CTCF: variants seen among roughly 807,000 people sequenced by gnomAD.
CTCF encodes transcriptional repressor CTCF.
A neutral mutation model predicts 72.3 loss-of-function variants in CTCF; 7 were observed. The observed-to-expected ratio is 0.10, with a 90% CI of 0.06 to 0.18. The LOEUF (loss-of-function observed/expected upper bound fraction) is 0.18. Ranked by LOEUF, CTCF falls within the 10% of genes least tolerant of loss-of-function variation. CTCF has a pLI of 1.00. For missense variants in CTCF, 516 were observed against 949.1 expected, an observed-to-expected ratio of 0.54 and a Z score of 6.00; for synonymous variants, 374 against 315.8, an observed-to-expected ratio of 1.18 and a Z score of -1.95.
intron 2 of CTCF, among the ~76,000 whole-genome samples, chr16:67,575,270 G>A (rs1269159164): frequency 1.3e-5 from 2 of 152,008 alleles, no homozygotes; most frequent in African/African-American, 2.4e-5. Context: ...AAATAAGTAA[G>A]TAAGAATTAA....
chr16:67,570,869 C>T (rs1367989123), intron 1 of CTCF: 2 of 151,362 alleles, frequency 1.3e-5, no homozygotes, highest in Non-Finnish European at 2.9e-5. Context: ...CTTCCGAAAG[C>T]GTTAAGATTA....
At chr16:67,633,769 G>A (rs764098798) in intron 10 of CTCF, among the ~76,000 whole-genome samples, 6 of 146,190 alleles carry the variant, frequency 4.1e-5, no homozygotes, top group Admixed American at 3.5e-4. Flanking sequence ...AAGAATTTCC[G>A]TCTTGTCCCC....
At chr16:67,618,048 C>T (rs1230970079) in intron 5 of CTCF, among the ~76,000 whole-genome samples, 5 of 152,150 alleles carry the variant, frequency 3.3e-5, no homozygotes, top group African/African-American at 9.7e-5. Context: ...AGCTAAAATT[C>T]AGTAATCATT....
intron 8 of CTCF, chr16:67,626,963 A>C (rs1255422501): frequency 6.1e-6 from 2 of 327,660 alleles, no homozygotes; most frequent in East Asian, 4.7e-5. Flanking sequence ...TGTGGAAAGT[A>C]AGTCCAGGAC....
chr16:67,613,874 G>C (rs2052093869), intron 4 of CTCF, among the ~76,000 whole-genome samples: 1 of 152,296 alleles, frequency 6.6e-6, no homozygotes, highest in African/African-American at 2.4e-5. Flanking sequence ...CTTCAGCTTT[G>C]AAAGTAAGAG....
intron 2 of CTCF, among the ~76,000 whole-genome samples, chr16:67,584,506 TTAGTAG>T (rs1226132596): frequency 6.6e-6 from 1 of 151,662 alleles, no homozygotes; most frequent in Non-Finnish European, 1.5e-5. Flanking sequence ...TTTTGTACTT[TTAGTAG>T]AGACAGGGTT....
At position 67,639,067 on chromosome 16, in the gene CTCF, T is replaced by A; in HGVS notation, c.*1195T>A. 4.9e-6 allele frequency: 1 copy of A among 202,440 alleles called. No individual in the cohort carries two copies. Among genetic ancestry groups the A allele is most frequent in the East Asian group, 7.6e-5 (1 of 13,162 alleles). 12.5% of individuals were successfully genotyped at this position (202,440 alleles called of 1,614,324 possible). ...AGCTGTACTGTGTGATATTTTTCATTATTTTAGGACGCCAACATGAGACCT... is the reference window on the plus strand; with the variant it reads ...AGCTGTACTGTGTGATATTTTTCATAATTTTAGGACGCCAACATGAGACCT... On this transcript the variant is annotated 3_prime_UTR_variant, in exon 12 of 12. Coordinates refer to ENST00000264010, the MANE Select transcript of CTCF (RefSeq NM_006565.4).
intron 2 of CTCF, among the ~76,000 whole-genome samples, chr16:67,608,167 A>G (rs2052002996): frequency 6.6e-6 from 1 of 151,884 alleles, no homozygotes; most frequent in Non-Finnish European, 1.5e-5. Flanking sequence ...TACTAAAAAT[A>G]CAAAAAATTA....
At chr16:67,588,990 C>T (rs1267945001) in intron 2 of CTCF, among the ~76,000 whole-genome samples, 1 of 152,018 alleles carries the variant, frequency 6.6e-6, no homozygotes. Flanking sequence ...CGTGCCCAGC[C>T]TCAAAATAAT....
Position 67,612,059 on chromosome 16 carries a change from A to G in CTCF, c.890A>G (p.His297Arg), listed in dbSNP as rs2052068896. ...ACTGATGAGAGACCACACAAGTGCC[A>G]TCTCTGTGGCAGGGCATTCAGAACA... ...SHTDERPHKC[H>R]LCGRAFRTVT... The change falls in exon 4 of 12, where the codon CAT (histidine) becomes CGT (arginine). Residue 297 changes from histidine to arginine, a missense_variant. Physicochemically the swap from His to Arg is conservative, Grantham distance 29. This residue lies in a region of CTCF where 70 missense variants were observed against 290.1 expected (regional missense o/e 0.24). Transcript: ENST00000264010. 2 of 1,614,182 alleles carry G rather than the reference A, an allele frequency of 1.2e-6. No homozygotes were observed. The highest frequency in any genetic ancestry group is 1.7e-6 in the Non-Finnish European group (2 of 1,180,022).
intron 10 of CTCF, among the ~76,000 whole-genome samples, chr16:67,634,784 A>G (rs1411752098): frequency 6.7e-6 from 1 of 149,148 alleles, no homozygotes; most frequent in African/African-American, 2.5e-5. Flanking sequence ...GCTCACTGCA[A>G]CCTCCACCTC....
In CTCF at chr16:67,636,742, A is replaced by T; in HGVS notation, c.1890A>T (p.Val630=). ...ATGAGGATGAGGAGGAGCCTGCCGT[A>T]GAAATTGAACCTGAGCCAGAGCCTC... ...DDNEDEEEPA[V]EIEPEPEPQP... Residue 630 remains valine, a synonymous_variant, in exon 11 of 12, where the codon GTA becomes GTT. Coordinates refer to ENST00000264010, the MANE Select transcript of CTCF (RefSeq NM_006565.4). 1 of 1,610,154 alleles carries T rather than the reference A, an allele frequency of 6.2e-7. No individual in the cohort carries two copies. Among genetic ancestry groups the T allele is most frequent in the South Asian group, 1.1e-5 (1 of 90,064 alleles).
At chr16:67,626,758 T>G in intron 8 of CTCF, 43 bp downstream of exon 8, 7 of 1,359,462 alleles carry the variant, frequency 5.1e-6, no homozygotes, top group Non-Finnish European at 6.7e-6. Context: ...TCTCGGTGTC[T>G]GGTGTTATCA....
intron 10 of CTCF, among the ~76,000 whole-genome samples, chr16:67,634,856 C>T (rs2052409373): frequency 6.6e-6 from 1 of 150,476 alleles, no homozygotes; most frequent in Non-Finnish European, 1.5e-5. Flanking sequence ...GGTGCCGCCA[C>T]CACACCTAGC....
chr16:67,633,335 C>CA (rs768920156), intron 10 of CTCF, among the ~76,000 whole-genome samples: 57 of 152,256 alleles, frequency 3.7e-4, no homozygotes, highest in Non-Finnish European at 6.5e-4. Context: ...TCAGATGTCC[C>CA]AGGTCACGTA....
At chr16:67,607,073 C>T (rs1055713083) in intron 2 of CTCF, among the ~76,000 whole-genome samples, 2 of 151,946 alleles carry the variant, frequency 1.3e-5, no homozygotes, top group East Asian at 1.9e-4. Flanking sequence ...TCTTCTGCCT[C>T]GGCCTCCTGA....
intron 10 of CTCF, among the ~76,000 whole-genome samples, chr16:67,632,485 A>G (rs1360004650): frequency 6.6e-6 from 1 of 152,198 alleles, no homozygotes; most frequent in African/African-American, 2.4e-5. Context: ...CCTGGGCTCC[A>G]TGCCACTGTT....
chr16:67,616,584 C>G (rs746086518), intron 4 of CTCF, 161 bp from the exon 5 acceptor site: 9 of 720,310 alleles, frequency 1.2e-5, no homozygotes, highest in Non-Finnish European at 1.9e-5. Flanking sequence ...TCCAGGCCCT[C>G]CCATAGTTTT....
chr16:67,629,834 G>T (rs1427051394), intron 10 of CTCF, among the ~76,000 whole-genome samples: 2 of 124,468 alleles, frequency 1.6e-5, no homozygotes, highest in African/African-American at 6.3e-5. Context: ...GAGTGCACTG[G>T]CGCGATCTCG....
Sources: allele counts gnomAD v4.1 joint callset (sites outside exome capture counted in the v4.1 genomes callset), GRCh38; gene constraint gnomAD v4.1.1; regional missense constraint gnomAD v4.1.1; transcripts MANE v1.5; gene names NCBI Gene and HGNC (gene_info 2026-07-23, HGNC 2026-07-21).